GNG4: variants seen among roughly 807,000 people sequenced by gnomAD.
GNG4 encodes the protein guanine nucleotide-binding protein G(I)/G(S)/G(O) subunit gamma-4.
In GNG4, 4 loss-of-function variants were observed where a neutral mutation model predicts 5.8. That is an observed-to-expected ratio of 0.69 (90% CI 0.34 to 1.57). The LOEUF is 1.57. Among genes scored for constraint, GNG4 ranks in the 40% most tolerant of loss-of-function variants. The pLI, the probability that GNG4 is intolerant of heterozygous loss-of-function variation, is 0.06. For missense variants in GNG4, 96 were observed against 95.1 expected (o/e 1.01, Z -0.04); for synonymous variants, 29 against 32.9 (o/e 0.88, Z 0.41).
At chr1:235,603,377 T>A (rs1688296226) in intron 1 of GNG4, among the ~76,000 whole-genome samples, 1 of 152,156 alleles carries the variant, frequency 6.6e-6, no homozygotes, top group Non-Finnish European at 1.5e-5. Context: ...CACGTGGATG[T>A]GTAAGGTGGC....
rs1016962557 is a variant in GNG4 at position 235,649,709 on chromosome 1, G to A, written c.-170C>T. The A allele has an allele frequency of 5.3e-5, 8 of 151,824 alleles. No homozygotes were observed. The highest frequency in any genetic ancestry group is 1.9e-4 in the African/African-American group (8 of 41,414). 9.4% of individuals were successfully genotyped at this position (151,824 alleles called of 1,614,324 possible). On this transcript the variant is annotated 5_prime_UTR_variant, in exon 1 of 4. Coordinates refer to ENST00000391854, the MANE Select transcript of GNG4 (RefSeq NM_001098722.2). This position sits in a 1 kb window ranked among gnomAD's most constrained non-coding sequence, Gnocchi z 5.7. ...CTTCGTCTGCAGCGCGGTGCTCGCG[G>A]GGGGCGGCCAGGCCGAGCGGCATCG...
At chr1:235,630,873 T>A (rs12125591) in intron 1 of GNG4, among the ~76,000 whole-genome samples, 50,251 of 151,634 alleles carry the variant, frequency 0.33, 8,604 homozygotes, top group Middle Eastern at 0.38. Context: ...GCCTAACCAA[T>A]CACCAGCTAA....
chr1:235,641,662 A>G lies in GNG4; in HGVS notation c.-123+8000T>C, dbSNP rs1405887770. ...GCCGAGATCGCGCCACTGCACTCCA[A>G]CTTGGGTGACAGAGCAAGACTCCAC... On this transcript the variant is annotated intron_variant, in intron 1 of 3. Coordinates refer to ENST00000391854, the MANE Select transcript of GNG4 (RefSeq NM_001098722.2). Among the ~76,000 whole-genome samples, 3 of 152,088 alleles carry G rather than the reference A, an allele frequency of 2.0e-5. No individual in the cohort carries two copies. In the South Asian group the frequency reaches 6.2e-4, roughly 32 times the overall value.
chr1:235,585,105 C>T (rs1023350347), intron 2 of GNG4, among the ~76,000 whole-genome samples: 1 of 150,434 alleles, frequency 6.6e-6, no homozygotes, highest in African/African-American at 2.5e-5. Flanking sequence ...CTTTTTTCTC[C>T]TTCCTTCCTT....
chr1:235,572,778 G>A (rs1266767058), intron 3 of GNG4, among the ~76,000 whole-genome samples: 3 of 151,960 alleles, frequency 2.0e-5, no homozygotes, highest in Non-Finnish European at 2.9e-5. Context: ...GGGATTACAG[G>A]CGTGAGCCAC....
chr1:235,597,617 TGTGTGTGTGTG>T (rs1558491458), intron 1 of GNG4, among the ~76,000 whole-genome samples: 20 of 110,530 alleles, frequency 1.8e-4, no homozygotes, highest in African/African-American at 3.6e-4. Context: ...TGTGTGTGTG[TGTGTGTGTGTG>T]TATTTTTTTT....
intron 1 of GNG4, among the ~76,000 whole-genome samples, chr1:235,640,883 A>C (rs1256966482): frequency 6.6e-6 from 1 of 152,234 alleles, no homozygotes; most frequent in Non-Finnish European, 1.5e-5. Context: ...TGGGTGGAGC[A>C]CCCACAAAAC....
chr1:235,584,661 T>TCAG (rs5781835), intron 2 of GNG4, among the ~76,000 whole-genome samples: 1 of 151,738 alleles, frequency 6.6e-6, no homozygotes, highest in Non-Finnish European at 1.5e-5. Flanking sequence ...TGCTACCTGT[T>TCAG]TCACAGAAAG....
intron 3 of GNG4, among the ~76,000 whole-genome samples, chr1:235,554,740 G>T (rs528829748): frequency 2.0e-5 from 3 of 151,912 alleles, no homozygotes; most frequent in African/African-American, 7.2e-5. Context: ...AGCTACTCAG[G>T]AGGCTGAGGC....
chr1:235,637,267 T>G (rs1657132647), intron 1 of GNG4, among the ~76,000 whole-genome samples: 1 of 151,884 alleles, frequency 6.6e-6, no homozygotes, highest in Non-Finnish European at 1.5e-5. Context: ...TGTCCTTTAT[T>G]TAAAAAAACA....
intron 2 of GNG4, among the ~76,000 whole-genome samples, chr1:235,592,436 G>A (rs1183569055): frequency 6.6e-6 from 1 of 152,154 alleles, no homozygotes; most frequent in Admixed American, 6.5e-5. Context: ...TTGAACCTGT[G>A]AGGCACAGGT....
intron 1 of GNG4, among the ~76,000 whole-genome samples, chr1:235,626,318 G>A (rs7530163): frequency 0.055 from 8,325 of 152,166 alleles, 749 homozygotes; most frequent in African/African-American, 0.19. Flanking sequence ...TATTCTGAGT[G>A]ACAGCATTTA....
At chr1:235,589,352 C>T (rs1399582935) in intron 2 of GNG4, among the ~76,000 whole-genome samples, 4 of 152,140 alleles carry the variant, frequency 2.6e-5, no homozygotes, top group Non-Finnish European at 5.9e-5. Context: ...ACCCCGAAGG[C>T]AGGGGAGAGT....
At chr1:235,643,690 G>A (rs1184781239) in intron 1 of GNG4, among the ~76,000 whole-genome samples, 1 of 152,204 alleles carries the variant, frequency 6.6e-6, no homozygotes, top group Non-Finnish European at 1.5e-5. Context: ...TAATGAAAAG[G>A]AATGTGGCGG....
intron 1 of GNG4, among the ~76,000 whole-genome samples, chr1:235,611,255 C>T (rs2102968982): frequency 6.6e-6 from 1 of 151,634 alleles, no homozygotes; most frequent in South Asian, 2.1e-4. Flanking sequence ...GCAGCCTCAA[C>T]TTCCTGGGCT....
In GNG4 at chr1:235,612,007, TG is replaced by T. The variant is rs369297114; in HGVS notation, c.-122-16497del. Reference sequence around the variant, plus strand: ...TGAGCCTGGGAGGTTGAGGTTACAATGAGCTGAGATTGTGCCACTGCACTCC... The same window carrying T: ...TGAGCCTGGGAGGTTGAGGTTACAATAGCTGAGATTGTGCCACTGCACTCC... On this transcript the variant is annotated intron_variant, in intron 1 of 3. Coordinates refer to ENST00000391854, the MANE Select transcript of GNG4 (RefSeq NM_001098722.2). 3.2e-3 allele frequency among the ~76,000 whole-genome samples: 401 copies of T among 126,626 alleles called. 2 individuals are homozygous for T. Among genetic ancestry groups the T allele is most frequent in the African/African-American group, 0.011 (375 of 33,760 alleles). 83.1% of individuals were successfully genotyped at this position (126,626 alleles called of 152,430 possible). A position where few individuals can be genotyped will look rare whatever the true frequency, so the allele number is the denominator to read the frequency against.
At chr1:235,627,180 A>G (rs371777768) in intron 1 of GNG4, among the ~76,000 whole-genome samples, 1 of 151,892 alleles carries the variant, frequency 6.6e-6, no homozygotes, top group African/African-American at 2.4e-5. Context: ...CCTGTGGAAT[A>G]GGTAAAATGC....
intron 3 of GNG4, among the ~76,000 whole-genome samples, chr1:235,581,362 T>G (rs1158577063): frequency 6.6e-6 from 1 of 151,948 alleles, no homozygotes; most frequent in Non-Finnish European, 1.5e-5. Context: ...ACCCCGTCTC[T>G]ACTAAAAATA....
rs1340705089 is a variant in GNG4, at chr1:235,596,679, A to G, written c.-122-1168T>C. Among the ~76,000 whole-genome samples, 3 of 152,170 alleles carry G rather than the reference A, an allele frequency of 2.0e-5. No individual in the cohort carries two copies. The East Asian group carries it at 5.8e-4, about 29-fold the overall frequency. On this transcript the variant is annotated intron_variant, in intron 1 of 3. Coordinates refer to ENST00000391854, the MANE Select transcript of GNG4 (RefSeq NM_001098722.2). ...TGCATTAGAAATTTGATTTCAACCA[A>G]AGGACATTTAGCATAGAAGAGATCA...
Sources: allele counts gnomAD v4.1 joint callset (sites outside exome capture counted in the v4.1 genomes callset), GRCh38; gene constraint gnomAD v4.1.1; non-coding constraint Gnocchi (gnomAD v3.1); transcripts MANE v1.5; gene names NCBI Gene and HGNC (gene_info 2026-07-23, HGNC 2026-07-21).